RGS6: variants seen among roughly 807,000 people sequenced by gnomAD.
RGS6 encodes the protein regulator of G protein signaling 6.
Under a neutral mutation model 78.5 loss-of-function variants are expected in RGS6, and 30 were observed. The observed-to-expected ratio is 0.38, with a 90% CI of 0.29 to 0.52. The LOEUF (loss-of-function observed/expected upper bound fraction) is 0.52, where lower values mean the gene tolerates loss of function less well. RGS6 is among the 20% of genes least tolerant of loss of function. The pLI is 0.85. For synonymous variants in RGS6, 206 were observed against 206.0 expected, an observed-to-expected ratio of 1.00 and a Z score of 0.00; for missense variants, 495 against 609.7, an observed-to-expected ratio of 0.81 and a Z score of 1.98.
chr14:72,294,110 C>T (rs937809013), intron 2 of RGS6, among the ~76,000 whole-genome samples: 1 of 152,186 alleles, frequency 6.6e-6, no homozygotes, highest in Non-Finnish European at 1.5e-5. Flanking sequence ...TTTTGTAATT[C>T]AGACAGAGGT....
chr14:72,426,067 G>C (rs1275592405), intron 3 of RGS6, among the ~76,000 whole-genome samples: 1 of 152,008 alleles, frequency 6.6e-6, no homozygotes, highest in African/African-American at 2.4e-5. Flanking sequence ...AAAACTCATA[G>C]CTGCTTAGAT....
At chr14:72,275,983 C>G (rs2060608488) in intron 2 of RGS6, among the ~76,000 whole-genome samples, 1 of 152,112 alleles carries the variant, frequency 6.6e-6, no homozygotes, top group South Asian at 2.1e-4. Flanking sequence ...ACTTTGGGGA[C>G]TGGGACTGGG....
At chr14:72,383,368 C>T (rs768295336) in intron 3 of RGS6, among the ~76,000 whole-genome samples, 2 of 151,368 alleles carry the variant, frequency 1.3e-5, no homozygotes, top group South Asian at 2.1e-4. Flanking sequence ...TGGATTGTGC[C>T]GACTCATAAA....
chr14:72,118,585 C>T (rs2095966673), intron 2 of RGS6, among the ~76,000 whole-genome samples: 1 of 152,164 alleles, frequency 6.6e-6, no homozygotes, highest in Admixed American at 6.5e-5. Context: ...AGCCTAGGAG[C>T]AGAACAGTAA....
chr14:72,588,870 G>A, the RGS6 span, among the ~76,000 whole-genome samples: 2 of 152,166 alleles, frequency 1.3e-5, no homozygotes, highest in Non-Finnish European at 2.9e-5. Context: ...GGATGGTCGT[G>A]TGCAGGGCCC....
intron 2 of RGS6, among the ~76,000 whole-genome samples, chr14:71,974,179 A>G (rs1355655337): frequency 6.6e-6 from 1 of 152,002 alleles, no homozygotes; most frequent in African/African-American, 2.4e-5. Flanking sequence ...TAAATTCCCT[A>G]TTGGCAGGAT....
At chr14:72,613,596 G>A in the RGS6 span, among the ~76,000 whole-genome samples, 1 of 152,170 alleles carries the variant, frequency 6.6e-6, no homozygotes, top group Admixed American at 6.5e-5. Flanking sequence ...AAGGGCCCTG[G>A]GGAGTCACCT....
At chr14:72,060,291 T>A (rs1022013814) in intron 2 of RGS6, among the ~76,000 whole-genome samples, 7 of 152,166 alleles carry the variant, frequency 4.6e-5, no homozygotes, top group Admixed American at 3.9e-4. Flanking sequence ...CCTGCAAGTA[T>A]TTATTCATTT....
the RGS6 span, among the ~76,000 whole-genome samples, chr14:71,907,619 TG>T: frequency 6.9e-6 from 1 of 144,424 alleles, no homozygotes; most frequent in Non-Finnish European, 1.5e-5. Flanking sequence ...TCAGTGGTGG[TG>T]GGGGGATATG....
intron 3 of RGS6, among the ~76,000 whole-genome samples, chr14:72,443,212 A>G (rs1246623334): frequency 6.6e-6 from 1 of 152,198 alleles, no homozygotes; most frequent in Non-Finnish European, 1.5e-5. Context: ...ACATTTCCTC[A>G]TTTCAAACTC....
chr14:71,901,808 A>C, the RGS6 span, among the ~76,000 whole-genome samples: 1 of 152,144 alleles, frequency 6.6e-6, no homozygotes, highest in Non-Finnish European at 1.5e-5. Flanking sequence ...CTTGTTGGTC[A>C]TTGGGTGCTT....
chr14:72,207,075 A>G (rs988525003), intron 2 of RGS6, among the ~76,000 whole-genome samples: 1 of 152,210 alleles, frequency 6.6e-6, no homozygotes, highest in Non-Finnish European at 1.5e-5. Flanking sequence ...AACATCTCTT[A>G]AACTCATAGA....
intron 6 of RGS6, among the ~76,000 whole-genome samples, chr14:72,463,472 G>T (rs2095831267): frequency 6.6e-6 from 1 of 152,220 alleles, no homozygotes; most frequent in Non-Finnish European, 1.5e-5. Context: ...CTAGTAGCAT[G>T]TGACCCTGTG....
chr14:72,203,480 C>T (rs531719911), intron 2 of RGS6, among the ~76,000 whole-genome samples: 25 of 152,290 alleles, frequency 1.6e-4, no homozygotes, highest in Admixed American at 2.6e-4. Flanking sequence ...ACCAAGGCTG[C>T]AGTCATCTCA....
chr14:72,214,177 AT>A (rs35022655), intron 2 of RGS6, among the ~76,000 whole-genome samples: 6,156 of 131,098 alleles, frequency 0.047, 247 homozygotes, highest in African/African-American at 0.11. Flanking sequence ...TTATTTTCTT[AT>A]TTTTTTTTTT....
the RGS6 span, among the ~76,000 whole-genome samples, chr14:71,900,436 C>T: frequency 2.2e-3 from 329 of 152,276 alleles, no homozygotes; most frequent in African/African-American, 7.1e-3. Context: ...TTTTCGGGTC[C>T]GTGAAATCAA....
At chr14:72,144,154 G>T (rs2096577026) in intron 2 of RGS6, among the ~76,000 whole-genome samples, 1 of 152,138 alleles carries the variant, frequency 6.6e-6, no homozygotes, top group Admixed American at 6.6e-5. Flanking sequence ...ATTTACTGTG[G>T]AAAACCCTGA....
intron 13 of RGS6, among the ~76,000 whole-genome samples, chr14:72,502,021 G>A (rs547401624): frequency 2.0e-5 from 3 of 152,188 alleles, no homozygotes; most frequent in African/African-American, 7.2e-5. Context: ...TTTACATCAA[G>A]TAGGACACCA....
At chr14:72,000,388 G>C (rs2083205353) in intron 2 of RGS6, among the ~76,000 whole-genome samples, 1 of 152,138 alleles carries the variant, frequency 6.6e-6, no homozygotes, top group African/African-American at 2.4e-5. Context: ...AGCTTGTTTT[G>C]TGGGTAAAGT....
Sources: allele counts gnomAD v4.1 joint callset (sites outside exome capture counted in the v4.1 genomes callset), GRCh38; gene constraint gnomAD v4.1.1; transcripts MANE v1.5; gene names NCBI Gene and HGNC (gene_info 2026-07-23, HGNC 2026-07-21).